ARHGAP20: variants seen among roughly 807,000 people sequenced by gnomAD.
ARHGAP20 encodes the protein rho GTPase-activating protein 20.
Under a neutral mutation model 73.7 loss-of-function variants are expected in ARHGAP20, and 34 were observed. That is an observed-to-expected ratio of 0.46 (90% CI 0.35 to 0.61). The LOEUF is 0.61. Ranked by LOEUF, ARHGAP20 falls within the 20% of genes least tolerant of loss-of-function variation. The pLI is 0.00. For synonymous variants in ARHGAP20, 523 were observed against 518.2 expected (o/e 1.01, Z -0.13); for missense variants, 1,314 against 1,420.9 (o/e 0.92, Z 1.21).
At chr11:110,614,009 T>C (rs949820061) in intron 6 of ARHGAP20, among the ~76,000 whole-genome samples, 2 of 152,172 alleles carry the variant, frequency 1.3e-5, no homozygotes, top group African/African-American at 4.8e-5. Flanking sequence ...ATTTGACCAA[T>C]ATGATAAACA....
chr11:110,619,445 G>A (rs1948572493), intron 4 of ARHGAP20, among the ~76,000 whole-genome samples: 1 of 151,894 alleles, frequency 6.6e-6, no homozygotes, highest in East Asian at 1.9e-4. Context: ...CAGTGATAGA[G>A]TATATGTAGT....
chr11:110,622,729 T>C (rs530561743), intron 4 of ARHGAP20, among the ~76,000 whole-genome samples: 54 of 152,318 alleles, frequency 3.5e-4, no homozygotes, highest in African/African-American at 1.0e-3. Context: ...TGTGTGTTTG[T>C]TGAATGATTT....
chr11:110,592,794 G>A (rs531683438), intron 9 of ARHGAP20, among the ~76,000 whole-genome samples: 95 of 152,150 alleles, frequency 6.2e-4, no homozygotes, highest in Non-Finnish European at 1.3e-3. Context: ...AACACAGACA[G>A]GAAGCTAATG....
chr11:110,660,804 T>C (rs1394851079), intron 2 of ARHGAP20, among the ~76,000 whole-genome samples: 1 of 152,162 alleles, frequency 6.6e-6, no homozygotes, highest in Non-Finnish European at 1.5e-5. Flanking sequence ...TCATCCACTC[T>C]CTTATTTTTA....
chr11:110,679,698 AG>A (rs1195771428), intron 2 of ARHGAP20, among the ~76,000 whole-genome samples: 1 of 152,182 alleles, frequency 6.6e-6, no homozygotes, highest in African/African-American at 2.4e-5. Context: ...CCAACAGATG[AG>A]GGGAAAAAGT....
At chr11:110,624,074 C>G in intron 4 of ARHGAP20, 88 bp downstream of exon 4, 2 of 1,452,586 alleles carry the variant, frequency 1.4e-6, no homozygotes, top group African/African-American at 1.5e-5. Flanking sequence ...ATTAGAGGAA[C>G]AACATTTGAT....
chr11:110,681,969 A>G (rs181108738), intron 2 of ARHGAP20, among the ~76,000 whole-genome samples: 1 of 152,272 alleles, frequency 6.6e-6, no homozygotes, highest in Admixed American at 6.5e-5. Context: ...CATGGTTCAA[A>G]CCGTCATTTC....
intron 2 of ARHGAP20, among the ~76,000 whole-genome samples, chr11:110,686,194 T>G (rs1950128369): frequency 6.6e-6 from 1 of 152,100 alleles, no homozygotes; most frequent in African/African-American, 2.4e-5. Context: ...ATTCAAAAAA[T>G]CTGATTTATG....
chr11:110,628,847 T>G (rs1852420728), intron 3 of ARHGAP20, among the ~76,000 whole-genome samples: 1 of 152,142 alleles, frequency 6.6e-6, no homozygotes, highest in African/African-American at 2.4e-5. Context: ...TGGGTACACA[T>G]TTTGCCAATA....
chr11:110,579,192 G>T lies in ARHGAP20; in HGVS notation c.*178C>A, dbSNP rs936402925. 31 of 1,294,196 alleles carry T rather than the reference G, an allele frequency of 2.4e-5. No homozygotes were observed. Among genetic ancestry groups the T allele is most frequent in the Non-Finnish European group, 2.8e-5 (29 of 1,018,772 alleles). The allele number at this position is 1,294,196 out of a possible 1,614,324, so 80.2% of individuals were successfully genotyped here. On this transcript the variant is annotated 3_prime_UTR_variant, in exon 15 of 15. Coordinates refer to ENST00000683387, the MANE Select transcript of ARHGAP20 (RefSeq NM_001384657.1). ...AAACACTTAGGTGACAAAATTTTTA[G>T]CATAAAGTATTTGTCAAGTAGTCTC...
chr11:110,580,313 A>C lies in ARHGAP20; in HGVS notation c.2633T>G (p.Leu878Trp), dbSNP rs1186806795. 6.2e-7 allele frequency: 1 copy of C among 1,614,216 alleles called. No homozygotes were observed. Among genetic ancestry groups the C allele is most frequent in the East Asian group, 2.2e-5 (1 of 44,892 alleles). The change falls in exon 15 of 15, where the codon TTG becomes TGG. Residue 878 changes from leucine (L) to tryptophan (W), a missense_variant. Physicochemically the swap from Leu to Trp is moderately conservative, Grantham distance 61. Coordinates refer to ENST00000683387, the MANE Select transcript of ARHGAP20 (RefSeq NM_001384657.1). ...TTTGAGATAATCCTCCTCTCCATGC[A>C]AGAGACCAGCTTCACAGCTGGTTTT... ...QHKTSCEAGL[L>W]HGEEDYLKRH...
intron 12 of ARHGAP20, among the ~76,000 whole-genome samples, chr11:110,584,628 G>T (rs1947572393): frequency 1.3e-5 from 2 of 151,944 alleles, no homozygotes; most frequent in South Asian, 4.2e-4. Flanking sequence ...ATAAGCTTTT[G>T]GGTTTTCTGC....
At position 110,578,020 on chromosome 11, in the gene ARHGAP20, TTAG is replaced by T; in HGVS notation, c.*1347_*1349del. On this transcript the variant is annotated 3_prime_UTR_variant, in exon 15 of 15. Transcript: ENST00000683387. Reference sequence around the variant, plus strand: ...TGGGCTCAGAGCAACTTCTTATAGGTTAGTAGTTAATGTGAAAGAAGATGCACA... The same window carrying T: ...TGGGCTCAGAGCAACTTCTTATAGGTTAGTTAATGTGAAAGAAGATGCACA... 1 of 985,318 alleles carries T rather than the reference TTAG, an allele frequency of 1.0e-6. No individual in the cohort carries two copies. Among genetic ancestry groups the T allele is most frequent in the Non-Finnish European group, 1.2e-6 (1 of 829,924 alleles). 61.0% of individuals were successfully genotyped at this position (985,318 alleles called of 1,614,324 possible). A position where few individuals can be genotyped will look rare whatever the true frequency, so the allele number is the denominator to read the frequency against.
intron 3 of ARHGAP20, among the ~76,000 whole-genome samples, chr11:110,628,258 A>C (rs1011462640): frequency 1.1e-4 from 17 of 152,192 alleles, no homozygotes; most frequent in African/African-American, 3.9e-4. Context: ...TAAGAGACTT[A>C]AGTGCTAATT....
rs1947987883 is a variant in ARHGAP20 at position 110,597,167 on chromosome 11, A to G, written c.965-5012T>C. 2.6e-5 allele frequency among the ~76,000 whole-genome samples: 4 copies of G among 151,326 alleles called. 1 individual carries two copies. In the South Asian group the frequency reaches 8.4e-4, roughly 32 times the overall value. ...GGGTGGGGGGAGGGGGAGGGAAAGC[A>G]CTGGGAAATATACCTAATGCTAAAT... On this transcript the variant is annotated intron_variant, in intron 9 of 14. Coordinates refer to ENST00000683387, the MANE Select transcript of ARHGAP20 (RefSeq NM_001384657.1).
intron 1 of ARHGAP20, among the ~76,000 whole-genome samples, chr11:110,701,295 G>A (rs1302215386): frequency 6.7e-6 from 1 of 149,792 alleles, no homozygotes; most frequent in Non-Finnish European, 1.5e-5. Context: ...GTGTGAGATG[G>A]TATCTCATTG....
chr11:110,702,470 T>G (rs1950472775), intron 1 of ARHGAP20, among the ~76,000 whole-genome samples: 1 of 152,152 alleles, frequency 6.6e-6, no homozygotes. Context: ...CTTTGAAAAC[T>G]GGCACAAGAC....
At chr11:110,709,181 G>C (rs562975637) in intron 1 of ARHGAP20, among the ~76,000 whole-genome samples, 1 of 152,164 alleles carries the variant, frequency 6.6e-6, no homozygotes, top group Non-Finnish European at 1.5e-5. Flanking sequence ...GCAGAACTGA[G>C]TAGCCTGTAA....
At chr11:110,673,483 T>C (rs1379699585) in intron 2 of ARHGAP20, among the ~76,000 whole-genome samples, 1 of 152,174 alleles carries the variant, frequency 6.6e-6, no homozygotes, top group Non-Finnish European at 1.5e-5. Flanking sequence ...GTATCTACAT[T>C]AAAAATTATG....
Sources: gnomAD v4.1 joint callset for allele counts (sites outside exome capture counted in the v4.1 genomes callset) on GRCh38, gnomAD v4.1.1 for gene constraint, MANE v1.5 for transcripts, NCBI Gene and HGNC (gene_info 2026-07-23, HGNC 2026-07-21) for gene names.